Variants in CLNK observed in about 807,000 individuals in gnomAD.
CLNK encodes cytokine dependent hematopoietic cell linker.
CLNK carries 74 observed loss-of-function variants against 68.6 expected under a neutral mutation model. The ratio of observed to expected loss-of-function variants is 1.08; its 90% CI spans 0.89 to 1.31. The LOEUF is 1.31. Ranked by LOEUF, CLNK falls within the 50% of genes most tolerant of loss-of-function variation. The pLI, the probability that CLNK is intolerant of heterozygous loss-of-function variation, is 0.00. For synonymous variants in CLNK, 198 were observed against 172.2 expected (o/e 1.15, Z -1.17); for missense variants, 553 against 515.3 (o/e 1.07, Z -0.71).
At chr4:10,663,080 C>G (rs993080529) in intron 2 of CLNK, among the ~76,000 whole-genome samples, 10 of 152,320 alleles carry the variant, frequency 6.6e-5, no homozygotes, top group Admixed American at 4.6e-4. Context: ...TCTTCCAAAG[C>G]ACTCAGAACC....
chr4:10,616,195 T>A (rs1340776664), intron 2 of CLNK, among the ~76,000 whole-genome samples: 1 of 152,238 alleles, frequency 6.6e-6, no homozygotes, highest in Non-Finnish European at 1.5e-5. Flanking sequence ...CTGCTGTTCA[T>A]CTCTTCACCA....
At chr4:10,657,028 G>A (rs968442082) in intron 2 of CLNK, among the ~76,000 whole-genome samples, 9 of 152,074 alleles carry the variant, frequency 5.9e-5, no homozygotes, top group Non-Finnish European at 1.0e-4. Context: ...ATACAAATTA[G>A]CTCATTTAAT....
chr4:10,530,969 T>C (rs1321074878), intron 12 of CLNK, among the ~76,000 whole-genome samples: 2 of 152,216 alleles, frequency 1.3e-5, no homozygotes, highest in Non-Finnish European at 2.9e-5. Flanking sequence ...CTTGGCACGA[T>C]TGTCTTATGG....
At chr4:10,713,582 T>C in the CLNK span, among the ~76,000 whole-genome samples, 1 of 151,962 alleles carries the variant, frequency 6.6e-6, no homozygotes, top group East Asian at 1.9e-4. Flanking sequence ...TGAATTTTTG[T>C]CCCCCCAAAA....
intron 16 of CLNK, among the ~76,000 whole-genome samples, chr4:10,511,357 G>A (rs1717575186): frequency 6.6e-6 from 1 of 152,052 alleles, no homozygotes; most frequent in Non-Finnish European, 1.5e-5. Context: ...ACTCTTTTCG[G>A]CAATAATATA....
the CLNK span, among the ~76,000 whole-genome samples, chr4:10,717,331 C>T: frequency 6.6e-5 from 10 of 152,182 alleles, no homozygotes; most frequent in African/African-American, 2.4e-4. Flanking sequence ...TGTGGTGGCT[C>T]ACGCCTGTAA....
intron 4 of CLNK, among the ~76,000 whole-genome samples, chr4:10,582,188 C>G (rs1389137164): frequency 6.6e-6 from 1 of 152,066 alleles, no homozygotes; most frequent in African/African-American, 2.4e-5. Flanking sequence ...TTCCCAACAC[C>G]CTGGGGAGAG....
the CLNK span, among the ~76,000 whole-genome samples, chr4:10,708,209 C>T: frequency 6.6e-6 from 1 of 152,106 alleles, no homozygotes; most frequent in South Asian, 2.1e-4. Flanking sequence ...CCTTTCAGAG[C>T]CCCAGTTTTT....
At position 10,513,602 on chromosome 4, in the gene CLNK, A is replaced by G. The variant is rs1156533610; in HGVS notation, c.773-5T>C. 6.3e-7 allele frequency: 1 copy of G among 1,591,902 alleles called. No homozygotes were observed. The highest frequency in any genetic ancestry group is 8.6e-7 in the Non-Finnish European group (1 of 1,169,344). The stretch of plus-strand genomic sequence containing the variant: ...GCTGCATGCCTCCTCTATGATCTGG[A>G]AAGGTTAAATTCACATTTCAGTGTG... On this transcript the variant is annotated splice_polypyrimidine_tract_variant and splice_region_variant and intron_variant, in intron 15 of 18. Transcript: ENST00000226951.
At chr4:10,699,088 G>A in the CLNK span, among the ~76,000 whole-genome samples, 1 of 151,798 alleles carries the variant, frequency 6.6e-6, no homozygotes, top group Non-Finnish European at 1.5e-5. Flanking sequence ...GGAACTACAC[G>A]TCAGGTTTCC....
chr4:10,681,481 A>T (rs1725089871), intron 1 of CLNK, among the ~76,000 whole-genome samples: 1 of 152,216 alleles, frequency 6.6e-6, no homozygotes, highest in South Asian at 2.1e-4. Context: ...TCACATGGAT[A>T]TTAAATTTTC....
At chr4:10,626,311 C>T (rs542022322) in intron 2 of CLNK, among the ~76,000 whole-genome samples, 6 of 152,336 alleles carry the variant, frequency 3.9e-5, no homozygotes, top group African/African-American at 7.2e-5. Context: ...CCTCTCTCCC[C>T]TTTTTGTTTC....
rs563291727 is a variant in CLNK at position 10,503,848 on chromosome 4, T to A, written c.985-2437A>T. 3.8e-3 allele frequency among the ~76,000 whole-genome samples: 510 copies of A among 134,478 alleles called. 3 individuals carry two copies. The highest frequency in any genetic ancestry group is 0.013 in the African/African-American group (493 of 36,878). The allele number at this position is 134,478 out of a possible 152,430, so 88.2% of individuals were successfully genotyped here. On this transcript the variant is annotated intron_variant, in intron 17 of 18. Coordinates refer to ENST00000226951, the MANE Select transcript of CLNK (RefSeq NM_052964.4). ...CCCAGGCTGGAATGCAGTGGCACAA[T>A]CTCAGCTCACTGCAACCTCCGCCTC...
chr4:10,552,721 G>A (rs1298668270), intron 8 of CLNK, among the ~76,000 whole-genome samples: 3 of 152,096 alleles, frequency 2.0e-5, no homozygotes, highest in African/African-American at 7.2e-5. Context: ...AGCTTTGAAT[G>A]AGACGATTTG....
the CLNK span, among the ~76,000 whole-genome samples, chr4:10,731,821 G>C: frequency 6.6e-6 from 1 of 152,174 alleles, no homozygotes; most frequent in African/African-American, 2.4e-5. Flanking sequence ...TGCAAGAAAG[G>C]AATTCAGTCC....
At chr4:10,719,409 G>A in the CLNK span, among the ~76,000 whole-genome samples, 1 of 152,006 alleles carries the variant, frequency 6.6e-6, no homozygotes, top group Non-Finnish European at 1.5e-5. Flanking sequence ...AAGAAAGAGT[G>A]ACTGTATTAA....
At chr4:10,620,173 A>G (rs2108860276) in intron 2 of CLNK, among the ~76,000 whole-genome samples, 2 of 152,272 alleles carry the variant, frequency 1.3e-5, no homozygotes. Flanking sequence ...AAGCACTCAC[A>G]TCTCCTCGTT....
chr4:10,572,893 A>G (rs1720404177), intron 4 of CLNK, among the ~76,000 whole-genome samples: 1 of 152,054 alleles, frequency 6.6e-6, no homozygotes, highest in Non-Finnish European at 1.5e-5. Flanking sequence ...CAGTGGTGCA[A>G]TCTCAGCTCA....
intron 1 of CLNK, among the ~76,000 whole-genome samples, chr4:10,682,133 A>ATGTG (rs67960184): frequency 0.012 from 1,570 of 128,472 alleles, 21 homozygotes; most frequent in African/African-American, 0.029. Context: ...GTGTGTGTGT[A>ATGTG]TGTGTGTGTG....
Sources: gnomAD v4.1 joint callset for allele counts (sites outside exome capture counted in the v4.1 genomes callset) on GRCh38, gnomAD v4.1.1 for gene constraint, MANE v1.5 for transcripts, NCBI Gene and HGNC (gene_info 2026-07-23, HGNC 2026-07-21) for gene names.